PUM2: variants seen among roughly 807,000 people sequenced by gnomAD.
PUM2 encodes the protein pumilio homolog 2.
A neutral mutation model predicts 124.5 loss-of-function variants in PUM2; 57 were observed. The observed-to-expected ratio is 0.46, with a 90% CI of 0.37 to 0.57. PUM2 has a LOEUF of 0.57. Ranked by LOEUF, PUM2 falls within the 20% of genes least tolerant of loss-of-function variation. The probability of loss-of-function intolerance (pLI) is 0.00; values close to 1 mark genes in which losing one functional copy is unlikely to be tolerated. For missense variants in PUM2, 1,065 were observed against 1,290.6 expected (o/e 0.83, Z 2.68); for synonymous variants, 460 against 446.1 (o/e 1.03, Z -0.39).
Position 20,261,394 on chromosome 2 carries a change from C to CAAAAAAAAA in PUM2, c.2226-937_2226-929dup, listed in dbSNP as rs200294801. On this transcript the variant is annotated intron_variant, in intron 14 of 20. Coordinates refer to ENST00000361078, the MANE Select transcript of PUM2 (RefSeq NM_015317.5). ...AAGCGACAGAGTGAGACTCTGTCTCCAAAAAAAAAAAAAAAAAAAAAAAAA... is the reference window on the plus strand; with the variant it reads ...AAGCGACAGAGTGAGACTCTGTCTCCAAAAAAAAAAAAAAAAAAAAAAAAAAAAAAAAAA... 3.5e-3 allele frequency among the ~76,000 whole-genome samples: 269 copies of CAAAAAAAAA among 76,726 alleles called. 49 individuals are homozygous for CAAAAAAAAA. The highest frequency in any genetic ancestry group is 7.9e-3 in the African/African-American group (138 of 17,430). The allele number at this position is 76,726 out of a possible 152,430, so 50.3% of individuals were successfully genotyped here.
intron 1 of PUM2, among the ~76,000 whole-genome samples, chr2:20,338,836 A>G (rs901048957): frequency 6.6e-6 from 1 of 152,270 alleles, no homozygotes; most frequent in Non-Finnish European, 1.5e-5. Context: ...GGATGCAAGC[A>G]TAAGTCACAC....
intron 13 of PUM2, among the ~76,000 whole-genome samples, chr2:20,264,230 A>G: frequency 6.8e-6 from 1 of 147,798 alleles, no homozygotes; most frequent in African/African-American, 2.5e-5. Flanking sequence ...CCAGCTACTC[A>G]GGAGGCTGAG....
chr2:20,309,933 C>G (rs1383452023), intron 5 of PUM2, among the ~76,000 whole-genome samples: 1 of 152,112 alleles, frequency 6.6e-6, no homozygotes, highest in Non-Finnish European at 1.5e-5. Flanking sequence ...CCCTTTAAGC[C>G]ACACCTAATT....
intron 15 of PUM2, 141 bp from the exon 16 acceptor site, chr2:20,258,512 G>C (rs908007546): frequency 4.3e-6 from 3 of 689,664 alleles, no homozygotes; most frequent in Non-Finnish European, 6.6e-6. Flanking sequence ...AATTAAGATA[G>C]ACTGGGAAAT....
At chr2:20,264,290 T>C (rs1472251241) in intron 13 of PUM2, among the ~76,000 whole-genome samples, 1 of 116,660 alleles carries the variant, frequency 8.6e-6, no homozygotes, top group African/African-American at 3.4e-5. Flanking sequence ...TGAACCAAGA[T>C]CACACTACTG....
chr2:20,336,713 T>G (rs1306102896), intron 1 of PUM2, among the ~76,000 whole-genome samples: 1 of 73,994 alleles, frequency 1.4e-5, no homozygotes, highest in East Asian at 3.2e-4. Flanking sequence ...GTGTGTGTGT[T>G]ACAGACGGGG....
rs373222999 is a variant in PUM2 at position 20,267,026 on chromosome 2, C to CTTTTT, written c.1958-3571_1958-3567dup. Among the ~76,000 whole-genome samples, 15 of 142,816 alleles carry CTTTTT rather than the reference C, an allele frequency of 1.1e-4. No homozygotes were observed. The South Asian group carries it at 1.4e-3, about 13-fold the overall frequency. 93.7% of individuals were successfully genotyped at this position (142,816 alleles called of 152,430 possible). On this transcript the variant is annotated intron_variant, in intron 13 of 20. Coordinates refer to ENST00000361078, the MANE Select transcript of PUM2 (RefSeq NM_015317.5). The stretch of plus-strand genomic sequence containing the variant: ...TGAGTAAGGGACATCATGCCTGTAA[C>CTTTTT]TTTTTTTTTTTTTTTGAGACAGGTC...
At chr2:20,254,129 A>C in intron 19 of PUM2, 115 bp from the exon 20 acceptor site, 1 of 866,798 alleles carries the variant, frequency 1.2e-6, no homozygotes, top group East Asian at 2.7e-5. Context: ...TCAGGATGGG[A>C]TTCTCTTGTC....
intron 7 of PUM2, among the ~76,000 whole-genome samples, chr2:20,305,703 T>C (rs1678094290): frequency 6.6e-6 from 1 of 152,156 alleles, no homozygotes; most frequent in Non-Finnish European, 1.5e-5. Flanking sequence ...TATTTTAAAA[T>C]ATCATTCATG....
chr2:20,272,060 G>C (rs1669139041), intron 13 of PUM2, among the ~76,000 whole-genome samples: 2 of 152,242 alleles, frequency 1.3e-5, no homozygotes, highest in South Asian at 4.1e-4. Flanking sequence ...TCAGGAGGCT[G>C]AGGCAGGAGA....
chr2:20,294,151 A>G (rs1463579899), intron 9 of PUM2, among the ~76,000 whole-genome samples: 1 of 152,258 alleles, frequency 6.6e-6, no homozygotes, highest in Non-Finnish European at 1.5e-5. Context: ...TCAAGATCGC[A>G]AAATAACAGA....
intron 9 of PUM2, among the ~76,000 whole-genome samples, chr2:20,292,920 T>C (rs920878516): frequency 3.3e-5 from 5 of 151,302 alleles, no homozygotes; most frequent in Non-Finnish European, 7.4e-5. Context: ...AGAGCAAAAC[T>C]CCATCTCAAA....
chr2:20,311,812 G>T, intron 4 of PUM2, 149 bp from the exon 5 acceptor site: 1 of 918,496 alleles, frequency 1.1e-6, no homozygotes, highest in East Asian at 2.8e-5. Context: ...TTTATCAAAG[G>T]CCAAAAAATT....
At chr2:20,297,877 T>G (rs566830613) in intron 7 of PUM2, among the ~76,000 whole-genome samples, 199 bp from the exon 8 acceptor site, 2 of 152,342 alleles carry the variant, frequency 1.3e-5, no homozygotes, top group Admixed American at 6.5e-5. Context: ...AACAGCTGTT[T>G]TGCAGAATTG....
chr2:20,308,415 C>T lies in PUM2; in HGVS notation c.688G>A (p.Val230Ile). 1 of 1,614,130 alleles carries T rather than the reference C, an allele frequency of 6.2e-7. No individual in the cohort carries two copies. The highest frequency in any genetic ancestry group is 1.1e-5 in the South Asian group (1 of 91,074). ...TCAAACTGTAAGGATTCCAGACCAA[C>T]TTGTTCCATGGCATCCAGATTCTGA... ...ETQNLDAMEQ[V>I]GLESLQFDYP... The change falls in exon 6 of 21, where the codon GTT (valine) becomes ATT (isoleucine). Residue 230 changes from valine (V) to isoleucine (I), a missense_variant. Coordinates refer to ENST00000361078, the MANE Select transcript of PUM2 (RefSeq NM_015317.5).
At chr2:20,306,506 G>C (rs943426266) in intron 7 of PUM2, among the ~76,000 whole-genome samples, 1 of 151,910 alleles carries the variant, frequency 6.6e-6, no homozygotes, top group African/African-American at 2.4e-5. Context: ...GACAAACAAG[G>C]GATAAAGCGG....
chr2:20,265,648 C>T (rs1335818769), intron 13 of PUM2, among the ~76,000 whole-genome samples: 1 of 152,228 alleles, frequency 6.6e-6, no homozygotes, highest in Non-Finnish European at 1.5e-5. Context: ...ATTTTATACA[C>T]ATCAATTGTA....
At chr2:20,317,839 C>A (rs1681372850) in intron 3 of PUM2, among the ~76,000 whole-genome samples, 1 of 152,138 alleles carries the variant, frequency 6.6e-6, no homozygotes, top group South Asian at 2.1e-4. Flanking sequence ...TCTCCAGCCC[C>A]ATCCATGTTG....
Position 20,249,224 on chromosome 2 carries a change from G to C in PUM2, c.*2361C>G, listed in dbSNP as rs1662702204. 1 of 152,238 alleles carries C rather than the reference G, an allele frequency of 6.6e-6. No individual in the cohort carries two copies. The highest frequency in any genetic ancestry group is 1.5e-5 in the Non-Finnish European group (1 of 68,072). 9.4% of individuals were successfully genotyped at this position (152,238 alleles called of 1,614,324 possible). On this transcript the variant is annotated 3_prime_UTR_variant, in exon 21 of 21. Coordinates refer to ENST00000361078, the MANE Select transcript of PUM2 (RefSeq NM_015317.5). ...AGAGGGCAAGGATGAAGGAAGACTAGGAATTCAACTGTACAAAGACAGGAA... is the reference window on the plus strand; with the variant it reads ...AGAGGGCAAGGATGAAGGAAGACTACGAATTCAACTGTACAAAGACAGGAA...
Sources: gnomAD v4.1 joint callset for allele counts (sites outside exome capture counted in the v4.1 genomes callset) on GRCh38, gnomAD v4.1.1 for gene constraint, MANE v1.5 for transcripts, NCBI Gene and HGNC (gene_info 2026-07-23, HGNC 2026-07-21) for gene names.